Variants in GRIP1 observed in about 807,000 individuals in gnomAD.
GRIP1 encodes glutamate receptor interacting protein 1.
A neutral mutation model predicts 129.9 loss-of-function variants in GRIP1; 45 were observed. That is an observed-to-expected ratio of 0.35 (90% CI 0.27 to 0.44). The LOEUF (loss-of-function observed/expected upper bound fraction) is 0.44. Among genes scored for constraint, GRIP1 ranks in the 20% least tolerant of loss-of-function variants. GRIP1 has a pLI of 1.00. For synonymous variants in GRIP1, 530 were observed against 520.8 expected (o/e 1.02, Z -0.24); for missense variants, 1,196 against 1,396.8 (o/e 0.86, Z 2.29).
intron 23 of GRIP1, among the ~76,000 whole-genome samples, chr12:66,366,718 C>G (rs2055170729): frequency 6.6e-6 from 1 of 152,202 alleles, no homozygotes; most frequent in Admixed American, 6.5e-5. Context: ...GAGTCTTGCT[C>G]TGTCACCCAG....
intron 23 of GRIP1, among the ~76,000 whole-genome samples, chr12:66,364,565 A>G (rs1364923607): frequency 1.3e-5 from 2 of 152,210 alleles, no homozygotes; most frequent in Non-Finnish European, 2.9e-5. Flanking sequence ...ATCTTCACAA[A>G]TATGGGACAA....
chr12:67,027,545 A>C (rs1396723687), intron 1 of GRIP1, among the ~76,000 whole-genome samples: 1 of 152,232 alleles, frequency 6.6e-6, no homozygotes, highest in Non-Finnish European at 1.5e-5. Flanking sequence ...TAGAGTTCAT[A>C]GTCTAATAGG....
chr12:66,630,606 C>T (rs544674625), intron 1 of GRIP1, among the ~76,000 whole-genome samples: 5 of 152,268 alleles, frequency 3.3e-5, no homozygotes, highest in African/African-American at 1.2e-4. Flanking sequence ...GTCTTAAAGG[C>T]CATACATTCA....
Position 66,904,575 on chromosome 12 carries a change from C to T in GRIP1, c.58+164475G>A, listed in dbSNP as rs572592288. 1.1e-4 allele frequency among the ~76,000 whole-genome samples: 16 copies of T among 152,256 alleles called. No homozygotes were observed. The South Asian group carries it at 2.3e-3, about 22-fold the overall frequency. On this transcript the variant is annotated intron_variant, in intron 1 of 1. Coordinates refer to the GRIP1 transcript ENST00000643019. ...AGTTATTTGCTTATGAAACCCCATT[C>T]CTTTAAATAGGAAGCTTGTTAAAAT...
At chr12:66,531,725 G>A (rs930536659) in intron 4 of GRIP1, among the ~76,000 whole-genome samples, 2 of 152,018 alleles carry the variant, frequency 1.3e-5, no homozygotes, top group Admixed American at 6.6e-5. Flanking sequence ...AAAAAAAATT[G>A]AGTTCATTCC....
intron 1 of GRIP1, among the ~76,000 whole-genome samples, chr12:66,654,850 A>T (rs991016595): frequency 7.9e-5 from 12 of 152,212 alleles, no homozygotes; most frequent in Admixed American, 7.9e-4. Context: ...AAGAGGGAAA[A>T]TTTAAATATT....
intron 5 of GRIP1, among the ~76,000 whole-genome samples, chr12:66,526,333 A>G (rs2061239389): frequency 1.3e-5 from 2 of 152,184 alleles, no homozygotes; most frequent in African/African-American, 4.8e-5. Flanking sequence ...AAACACAGAT[A>G]TAGATCAATG....
At chr12:66,815,757 C>T (rs2136966242) in intron 1 of GRIP1, among the ~76,000 whole-genome samples, 1 of 147,366 alleles carries the variant, frequency 6.8e-6, no homozygotes. Context: ...GAATAAGACC[C>T]CGACTCAAAC....
rs1461552111 is a variant in GRIP1 at position 66,581,286 on chromosome 12, C to A, written c.136+15561G>T. On this transcript the variant is annotated intron_variant, in intron 2 of 24. Transcript: ENST00000359742. ...AGAGGGAAATTGATAGCACTAAATG[C>A]CCACAAGAGAAAGCAGGAAAGATCC... Among the ~76,000 whole-genome samples the A allele has an allele frequency of 2.0e-5, 3 of 151,484 alleles. No homozygotes were observed. In the South Asian group the frequency reaches 6.3e-4, roughly 32 times the overall value.
At chr12:66,388,312 T>C (rs2056441319) in intron 19 of GRIP1, among the ~76,000 whole-genome samples, 1 of 152,210 alleles carries the variant, frequency 6.6e-6, no homozygotes. Context: ...CTGGATGAAA[T>C]AATTTCATTT....
chr12:66,772,290 G>A (rs1306929133), intron 1 of GRIP1, among the ~76,000 whole-genome samples: 1 of 152,246 alleles, frequency 6.6e-6, no homozygotes, highest in East Asian at 1.9e-4. Flanking sequence ...GGACTCCCAG[G>A]TGTGTTTAGA....
At chr12:66,724,065 T>A (rs1235987715) in intron 1 of GRIP1, among the ~76,000 whole-genome samples, 1 of 152,204 alleles carries the variant, frequency 6.6e-6, no homozygotes, top group Admixed American at 6.5e-5. Context: ...GTTGAATTAG[T>A]ACCCAATTAC....
At chr12:66,651,021 T>C (rs1482319520) in intron 1 of GRIP1, among the ~76,000 whole-genome samples, 1 of 152,182 alleles carries the variant, frequency 6.6e-6, no homozygotes, top group African/African-American at 2.4e-5. Context: ...TTTAAGACAA[T>C]ATGTACATAG....
At chr12:66,693,121 T>C (rs1453445011) in intron 1 of GRIP1, among the ~76,000 whole-genome samples, 1 of 151,798 alleles carries the variant, frequency 6.6e-6, no homozygotes, top group East Asian at 1.9e-4. Flanking sequence ...AGTACCAGAG[T>C]TCCTTAACAT....
chr12:66,874,977 T>C (rs1427474540), intron 1 of GRIP1, among the ~76,000 whole-genome samples: 1 of 152,110 alleles, frequency 6.6e-6, no homozygotes, highest in Non-Finnish European at 1.5e-5. Context: ...ATACCCTGTA[T>C]GTATGCTATA....
At chr12:66,945,505 C>T (rs181611496) in intron 1 of GRIP1, among the ~76,000 whole-genome samples, 11 of 151,032 alleles carry the variant, frequency 7.3e-5, no homozygotes, top group Non-Finnish European at 1.6e-4. Context: ...AGGAAGCTTA[C>T]AATCACAGCA....
intron 17 of GRIP1, 87 bp from the exon 18 acceptor site, chr12:66,392,903 T>C (rs1170463096): frequency 5.4e-6 from 7 of 1,287,568 alleles, no homozygotes; most frequent in African/African-American, 1.5e-5. Flanking sequence ...TATACATTCA[T>C]CATAATAAAG....
At chr12:66,763,950 T>C (rs2037548400) in intron 1 of GRIP1, among the ~76,000 whole-genome samples, 1 of 152,226 alleles carries the variant, frequency 6.6e-6, no homozygotes, top group South Asian at 2.1e-4. Flanking sequence ...AGCACTGACA[T>C]TGCCTAACAA....
chr12:66,796,266 T>A (rs1204579850), intron 1 of GRIP1, among the ~76,000 whole-genome samples: 2 of 152,106 alleles, frequency 1.3e-5, no homozygotes, highest in Non-Finnish European at 2.9e-5. Flanking sequence ...TAGGCCTGGT[T>A]TTAAATCTAC....
Sources: allele counts gnomAD v4.1 joint callset (sites outside exome capture counted in the v4.1 genomes callset), GRCh38; gene constraint gnomAD v4.1.1; transcripts MANE v1.5; gene names NCBI Gene and HGNC (gene_info 2026-07-23, HGNC 2026-07-21).